ATRNL1: variants seen among roughly 807,000 people sequenced by gnomAD.
ATRNL1 encodes attractin-like protein 1.
Under a neutral mutation model 182.7 loss-of-function variants are expected in ATRNL1, and 95 were observed. That is an observed-to-expected ratio of 0.52 (90% CI 0.44 to 0.62). The LOEUF is 0.62. Ranked by LOEUF, ATRNL1 falls within the 20% of genes least tolerant of loss-of-function variation. The pLI, the probability that ATRNL1 is intolerant of heterozygous loss-of-function variation, is 0.00. For synonymous variants in ATRNL1, 576 were observed against 568.3 expected, an observed-to-expected ratio of 1.01 and a Z score of -0.19; for missense variants, 1,471 against 1,679.5, an observed-to-expected ratio of 0.88 and a Z score of 2.17.
chr10:115,849,902 A>G (rs1555100011), intron 28 of ATRNL1, among the ~76,000 whole-genome samples: 2 of 152,180 alleles, frequency 1.3e-5, no homozygotes. Context: ...AAGCATTTGG[A>G]TGAATACTGA....
chr10:115,610,312 A>T (rs1857088394), intron 26 of ATRNL1, among the ~76,000 whole-genome samples: 1 of 152,202 alleles, frequency 6.6e-6, no homozygotes, highest in Admixed American at 6.5e-5. Context: ...TAGCAAATAG[A>T]GGAAATTTAA....
intron 25 of ATRNL1, among the ~76,000 whole-genome samples, chr10:115,537,837 A>G (rs1351918695): frequency 6.6e-6 from 1 of 152,128 alleles, no homozygotes; most frequent in Non-Finnish European, 1.5e-5. Flanking sequence ...GATACAGAAC[A>G]ATGCCAAAGC....
chr10:115,560,417 G>A (rs553022584), intron 26 of ATRNL1, among the ~76,000 whole-genome samples: 2 of 152,266 alleles, frequency 1.3e-5, no homozygotes, highest in Admixed American at 1.3e-4. Context: ...TATGACAGGT[G>A]GGAATTATGG....
At chr10:115,905,565 T>C (rs7100412) in intron 28 of ATRNL1, among the ~76,000 whole-genome samples, 46,647 of 151,922 alleles carry the variant, frequency 0.31, 8,547 homozygotes, top group African/African-American at 0.52. Context: ...TCAGGCTATA[T>C]CTGATGCCCA....
intron 26 of ATRNL1, among the ~76,000 whole-genome samples, chr10:115,680,589 A>G (rs1290822916): frequency 6.6e-6 from 1 of 152,174 alleles, no homozygotes; most frequent in Non-Finnish European, 1.5e-5. Context: ...TAACGGCTGT[A>G]TGTATTTGCT....
chr10:115,608,016 G>A (rs1441470418), intron 26 of ATRNL1, among the ~76,000 whole-genome samples: 3 of 151,812 alleles, frequency 2.0e-5, no homozygotes, highest in Non-Finnish European at 4.4e-5. Flanking sequence ...TGTTTACATG[G>A]GATAATTACA....
rs146527562 is a variant in ATRNL1, at chr10:115,450,578, A to G, written c.3323-11363A>G. ...TACCTTAGAATACAGCTAACCAGGG[A>G]GGTGAAAGATCTCTATAATGAGAAT... On this transcript the variant is annotated intron_variant, in intron 21 of 28. Transcript: ENST00000355044. Among the ~76,000 whole-genome samples, 24 of 152,296 alleles carry G rather than the reference A, an allele frequency of 1.6e-4. No homozygotes were observed. In the East Asian group the frequency reaches 4.1e-3, roughly 26 times the overall value.
intron 15 of ATRNL1, among the ~76,000 whole-genome samples, chr10:115,292,367 T>A (rs1355330275): frequency 6.6e-6 from 1 of 151,914 alleles, no homozygotes; most frequent in African/African-American, 2.4e-5. Flanking sequence ...AGATCATGAT[T>A]GCCATGATCT....
chr10:115,408,559 G>GT (rs1844975810), intron 20 of ATRNL1, among the ~76,000 whole-genome samples: 1 of 152,102 alleles, frequency 6.6e-6, no homozygotes, highest in South Asian at 2.1e-4. Flanking sequence ...CTGTGCAGAA[G>GT]TTTTTTATCT....
intron 28 of ATRNL1, among the ~76,000 whole-genome samples, chr10:115,882,608 A>G (rs1265831209): frequency 6.6e-6 from 1 of 151,956 alleles, no homozygotes; most frequent in East Asian, 1.9e-4. Flanking sequence ...AGCCTTCCAG[A>G]CTCCTTGTAG....
intron 27 of ATRNL1, among the ~76,000 whole-genome samples, chr10:115,733,097 G>A (rs191897022): frequency 6.6e-6 from 1 of 152,020 alleles, no homozygotes; most frequent in Non-Finnish European, 1.5e-5. Context: ...TGCTAATAAA[G>A]TAACAGTTCT....
intron 17 of ATRNL1, among the ~76,000 whole-genome samples, chr10:115,302,998 C>T (rs183802222): frequency 2.9e-5 from 4 of 140,002 alleles, no homozygotes; most frequent in Admixed American, 6.8e-5. Context: ...AGATTTGGAA[C>T]AAAAAAGTAG....
intron 3 of ATRNL1, among the ~76,000 whole-genome samples, chr10:115,122,186 T>A (rs192305082): frequency 3.0e-4 from 46 of 151,938 alleles, no homozygotes; most frequent in Admixed American, 6.5e-4. Flanking sequence ...TTTATTTTAG[T>A]GAAATGGTAA....
At chr10:115,646,933 GCCCTCCC>G (rs1859656190) in intron 26 of ATRNL1, among the ~76,000 whole-genome samples, 1 of 120,550 alleles carries the variant, frequency 8.3e-6, no homozygotes, top group South Asian at 3.2e-4. Flanking sequence ...CCTAATGCTA[GCCCTCCC>G]CCCTCCCCCC....
At chr10:115,299,175 T>C (rs969823750) in intron 15 of ATRNL1, among the ~76,000 whole-genome samples, 1 of 151,824 alleles carries the variant, frequency 6.6e-6, no homozygotes, top group South Asian at 2.1e-4. Context: ...AAATCTATTA[T>C]CATATATATT....
chr10:115,160,571 C>T (rs185000263), intron 6 of ATRNL1, among the ~76,000 whole-genome samples: 1 of 151,594 alleles, frequency 6.6e-6, no homozygotes, highest in Non-Finnish European at 1.5e-5. Flanking sequence ...TAAAAATCCT[C>T]TCAATTTGTT....
intron 3 of ATRNL1, among the ~76,000 whole-genome samples, chr10:115,126,224 A>T (rs1325748119): frequency 6.6e-6 from 1 of 151,836 alleles, no homozygotes; most frequent in Non-Finnish European, 1.5e-5. Flanking sequence ...TGCCCACCTG[A>T]TTTTTTTGTA....
chr10:115,169,543 G>A (rs1291727972), intron 7 of ATRNL1, among the ~76,000 whole-genome samples: 1 of 151,992 alleles, frequency 6.6e-6, no homozygotes, highest in Non-Finnish European at 1.5e-5. Context: ...GTAAGTTTTT[G>A]AGAAGTGGGA....
At chr10:115,815,415 ATGTGTG>A (rs367551845) in intron 27 of ATRNL1, among the ~76,000 whole-genome samples, 1,680 of 143,030 alleles carry the variant, frequency 0.012, 24 homozygotes, top group Middle Eastern at 0.036. Context: ...GTGTGTGTGT[ATGTGTG>A]TGTGTGTGTG....
Sources: gnomAD v4.1 joint callset for allele counts (sites outside exome capture counted in the v4.1 genomes callset) on GRCh38, gnomAD v4.1.1 for gene constraint, MANE v1.5 for transcripts, NCBI Gene and HGNC (gene_info 2026-07-23, HGNC 2026-07-21) for gene names.